SMYD3: variants seen among roughly 807,000 people sequenced by gnomAD.
SMYD3 encodes histone-lysine N-methyltransferase SMYD3.
SMYD3 carries 36 observed loss-of-function variants against 57.7 expected under a neutral mutation model. The observed-to-expected ratio is 0.62, with a 90% confidence interval of 0.48 to 0.82. The LOEUF (loss-of-function observed/expected upper bound fraction) is 0.82. Among genes scored for constraint, SMYD3 ranks in the 40% least tolerant of loss-of-function variants. The pLI, the probability that SMYD3 is intolerant of heterozygous loss-of-function variation, is 0.00. For missense variants in SMYD3, 515 were observed against 538.8 expected (o/e 0.96, Z 0.44); for synonymous variants, 211 against 195.0 (o/e 1.08, Z -0.68).
chr1:246,134,063 C>A (rs75687318), intron 5 of SMYD3, among the ~76,000 whole-genome samples: 8,576 of 152,186 alleles, frequency 0.056, 310 homozygotes, highest in Non-Finnish European at 0.07. Context: ...GACTAGTGAA[C>A]CTTCAGATAA....
chr1:246,339,190 A>AC (rs2065590967), intron 2 of SMYD3, among the ~76,000 whole-genome samples: 1 of 152,170 alleles, frequency 6.6e-6, no homozygotes, highest in Non-Finnish European at 1.5e-5. Context: ...AGGCAACACC[A>AC]CTTAGAGTAC....
chr1:245,918,457 G>T (rs2055610897), intron 7 of SMYD3, among the ~76,000 whole-genome samples: 1 of 152,188 alleles, frequency 6.6e-6, no homozygotes, highest in African/African-American at 2.4e-5. Context: ...CTGTGTTAGA[G>T]AATGTTCTGT....
chr1:246,051,731 T>A (rs1344517226), intron 5 of SMYD3, among the ~76,000 whole-genome samples: 1 of 152,128 alleles, frequency 6.6e-6, no homozygotes, highest in Non-Finnish European at 1.5e-5. Flanking sequence ...TTATTTCCCA[T>A]ATGTATCAGA....
At chr1:246,102,994 C>T (rs1009142058) in intron 5 of SMYD3, among the ~76,000 whole-genome samples, 1 of 152,306 alleles carries the variant, frequency 6.6e-6, no homozygotes, top group African/African-American at 2.4e-5. Context: ...TCCACTCCAA[C>T]CACACTGCTG....
Position 245,809,193 on chromosome 1 carries a change from G to A in SMYD3, c.1077-45044C>T, listed in dbSNP as rs112068551. Reference sequence around the variant, plus strand: ...AACAAGTATGGGCCTTGTTATTAGTGATCATTTGGTAAATCAATTACAATT... The same window carrying A: ...AACAAGTATGGGCCTTGTTATTAGTAATCATTTGGTAAATCAATTACAATT... On this transcript the variant is annotated intron_variant, in intron 10 of 11. Transcript: ENST00000490107. Among the ~76,000 whole-genome samples the A allele has an allele frequency of 2.0e-3, 311 of 152,312 alleles. 3 individuals carry two copies. The highest frequency in any genetic ancestry group is 6.9e-3 in the African/African-American group (287 of 41,562).
chr1:246,270,114 G>A (rs1317599798), intron 5 of SMYD3, among the ~76,000 whole-genome samples: 1 of 135,382 alleles, frequency 7.4e-6, no homozygotes, highest in East Asian at 3.5e-4. Flanking sequence ...CTTAATCCCT[G>A]AAAGAACTGG....
chr1:246,026,376 A>G (rs949000991), intron 5 of SMYD3, among the ~76,000 whole-genome samples: 1 of 152,160 alleles, frequency 6.6e-6, no homozygotes, highest in Non-Finnish European at 1.5e-5. Context: ...ACTAAACAAA[A>G]TTATAAGTAC....
At chr1:246,114,155 TAG>T (rs1404646575) in intron 5 of SMYD3, among the ~76,000 whole-genome samples, 69 of 152,136 alleles carry the variant, frequency 4.5e-4, no homozygotes, top group Admixed American at 4.5e-3. Flanking sequence ...TAAGAATTTA[TAG>T]AGAGACATTT....
intron 5 of SMYD3, among the ~76,000 whole-genome samples, chr1:245,997,637 C>T (rs2058957828): frequency 6.6e-6 from 1 of 152,124 alleles, no homozygotes; most frequent in Non-Finnish European, 1.5e-5. Flanking sequence ...TTTCTCCAGG[C>T]CAGCAGGCTA....
At chr1:246,015,845 T>C (rs1297039213) in intron 5 of SMYD3, among the ~76,000 whole-genome samples, 3 of 152,220 alleles carry the variant, frequency 2.0e-5, no homozygotes, top group Admixed American at 6.5e-5. Context: ...GACACGTGGG[T>C]TGCTCTCACC....
intron 1 of SMYD3, among the ~76,000 whole-genome samples, chr1:246,495,667 C>G (rs77117980): frequency 6.6e-6 from 1 of 151,724 alleles, no homozygotes; most frequent in Non-Finnish European, 1.5e-5. Context: ...TTTGGCCATG[C>G]GAGTGACTCA....
intron 5 of SMYD3, among the ~76,000 whole-genome samples, chr1:246,048,591 G>A (rs2060010025): frequency 6.6e-6 from 1 of 152,120 alleles, no homozygotes; most frequent in Admixed American, 6.5e-5. Flanking sequence ...ATAGTATACA[G>A]TAGTAAGGGC....
chr1:245,816,937 G>T (rs4501812), intron 10 of SMYD3, among the ~76,000 whole-genome samples: 3 of 150,958 alleles, frequency 2.0e-5, no homozygotes, highest in South Asian at 2.1e-4. Flanking sequence ...AGCAGTCTGA[G>T]ATCAAACTGC....
At chr1:246,320,147 TA>T (rs974988052) in intron 5 of SMYD3, among the ~76,000 whole-genome samples, 10 of 148,800 alleles carry the variant, frequency 6.7e-5, no homozygotes, top group African/African-American at 1.2e-4. Context: ...TTCTCCAATT[TA>T]AAAAAAAAAG....
intron 1 of SMYD3, among the ~76,000 whole-genome samples, chr1:246,411,453 G>A (rs1163878347): frequency 6.6e-6 from 1 of 152,136 alleles, no homozygotes; most frequent in African/African-American, 2.4e-5. Flanking sequence ...AATACCATTT[G>A]ACCCAGCCAT....
intron 10 of SMYD3, among the ~76,000 whole-genome samples, chr1:245,806,752 T>C (rs530296885): frequency 2.0e-5 from 3 of 148,476 alleles, no homozygotes; most frequent in East Asian, 2.0e-4. Flanking sequence ...CTACTAAAAA[T>C]ACAAAAAATT....
At chr1:246,309,466 G>C (rs1399364968) in intron 5 of SMYD3, among the ~76,000 whole-genome samples, 3 of 152,186 alleles carry the variant, frequency 2.0e-5, no homozygotes, top group Non-Finnish European at 2.9e-5. Context: ...GCCTGAAAAT[G>C]AATGCCCCTG....
intron 10 of SMYD3, among the ~76,000 whole-genome samples, chr1:245,767,418 A>G (rs1312768858): frequency 1.3e-5 from 2 of 152,182 alleles, no homozygotes; most frequent in Non-Finnish European, 2.9e-5. Context: ...AGGTGAGGCA[A>G]ATGAAATCAT....
At chr1:245,845,957 C>T (rs1351574086) in intron 10 of SMYD3, among the ~76,000 whole-genome samples, 1 of 152,250 alleles carries the variant, frequency 6.6e-6, no homozygotes, top group Non-Finnish European at 1.5e-5. Flanking sequence ...AGCACCTCAT[C>T]TCCCTCGGTC....
Sources: gnomAD v4.1 joint callset for allele counts (sites outside exome capture counted in the v4.1 genomes callset) on GRCh38, gnomAD v4.1.1 for gene constraint, MANE v1.5 for transcripts, NCBI Gene and HGNC (gene_info 2026-07-23, HGNC 2026-07-21) for gene names.